AOPEP: variants seen among roughly 807,000 people sequenced by gnomAD.
AOPEP encodes aminopeptidase O.
AOPEP carries 77 observed loss-of-function variants against 98.1 expected under a neutral mutation model. The observed-to-expected ratio is 0.78, with a 90% CI of 0.65 to 0.95. The LOEUF (loss-of-function observed/expected upper bound fraction) is 0.95, where lower values mean the gene tolerates loss of function less well. AOPEP is among the 40% of genes least tolerant of loss of function. AOPEP has a pLI of 0.00. For synonymous variants in AOPEP, 346 were observed against 365.3 expected (o/e 0.95, Z 0.60); for missense variants, 1,024 against 1,024.7 (o/e 1.00, Z 0.01).
At chr9:95,066,209 G>T (rs1433415524) in intron 14 of AOPEP, among the ~76,000 whole-genome samples, 3 of 152,170 alleles carry the variant, frequency 2.0e-5, no homozygotes, top group African/African-American at 7.2e-5. Context: ...AGGACGGTCT[G>T]TCTCTCAGTA....
chr9:95,051,550 C>T (rs1296925119), intron 13 of AOPEP, among the ~76,000 whole-genome samples: 2 of 152,128 alleles, frequency 1.3e-5, no homozygotes, highest in Non-Finnish European at 2.9e-5. Flanking sequence ...ACTCCTCATA[C>T]AGCCCATCTA....
chr9:95,090,197 G>C (rs577675925), downstream of AOPEP, among the ~76,000 whole-genome samples: 6 of 152,398 alleles, frequency 3.9e-5, no homozygotes. Flanking sequence ...TGTCCCCTGA[G>C]TGGTAGGTAC....
chr9:95,015,525 G>A (rs777187978), intron 13 of AOPEP, among the ~76,000 whole-genome samples: 5 of 152,196 alleles, frequency 3.3e-5, no homozygotes, highest in Admixed American at 2.0e-4. Flanking sequence ...AGAATACTGA[G>A]ATGAATAGAA....
intron 5 of AOPEP, among the ~76,000 whole-genome samples, chr9:94,821,208 C>T (rs11791657): frequency 1.6e-3 from 237 of 152,162 alleles, no homozygotes; most frequent in Non-Finnish European, 2.8e-3. Context: ...GGTGCCTTGG[C>T]GTTGAGTGAA....
chr9:94,822,962 G>T (rs4537361), intron 5 of AOPEP, among the ~76,000 whole-genome samples: 117,459 of 151,712 alleles, frequency 0.77, 47,193 homozygotes, highest in Non-Finnish European at 0.89. Flanking sequence ...ATTATCCCTG[G>T]TGCCACAATT....
chr9:94,919,585 C>T (rs752490991), intron 5 of AOPEP, among the ~76,000 whole-genome samples: 3 of 152,044 alleles, frequency 2.0e-5, no homozygotes, highest in Admixed American at 1.3e-4. Flanking sequence ...GCTGAGAGTT[C>T]GGCTTGTAAA....
At chr9:95,099,402 C>T in the AOPEP span, 71 of 228,060 alleles carry the variant, frequency 3.1e-4, no homozygotes, top group Non-Finnish European at 5.8e-4. Context: ...GCCCAGGCCC[C>T]GCCAACGCCG....
chr9:94,954,139 A>C (rs925418122), intron 7 of AOPEP, among the ~76,000 whole-genome samples: 5 of 152,160 alleles, frequency 3.3e-5, no homozygotes, highest in African/African-American at 9.7e-5. Flanking sequence ...CCTGGCCAAC[A>C]TGGCGAAACC....
At chr9:94,986,026 A>T (rs12553869) in intron 11 of AOPEP, among the ~76,000 whole-genome samples, 2,995 of 152,272 alleles carry the variant, frequency 0.02, 62 homozygotes, top group Admixed American at 0.054. Flanking sequence ...TTTGTGCTCA[A>T]ATGAGTTTGC....
chr9:94,750,003 G>T (rs1271789771), intron 1 of AOPEP, among the ~76,000 whole-genome samples: 1 of 152,146 alleles, frequency 6.6e-6, no homozygotes, highest in Non-Finnish European at 1.5e-5. Flanking sequence ...TTGATGCTTT[G>T]TATTAACAGA....
chr9:94,733,963 G>C (rs1206732847), intron 1 of AOPEP, among the ~76,000 whole-genome samples: 1 of 152,226 alleles, frequency 6.6e-6, no homozygotes, highest in Non-Finnish European at 1.5e-5. Flanking sequence ...AGTGTGTAAA[G>C]TCTGGATCTT....
chr9:94,977,321 G>A (rs181726888), intron 10 of AOPEP, among the ~76,000 whole-genome samples: 2 of 152,184 alleles, frequency 1.3e-5, no homozygotes, highest in African/African-American at 2.4e-5. Context: ...CCTGCAACCC[G>A]GAGCAGCCCT....
At chr9:94,946,773 C>A (rs1018646656) in intron 7 of AOPEP, among the ~76,000 whole-genome samples, 1 of 152,054 alleles carries the variant, frequency 6.6e-6, no homozygotes, top group Non-Finnish European at 1.5e-5. Flanking sequence ...TGGGCTTGGT[C>A]CTTGGTTGTT....
intron 1 of AOPEP, among the ~76,000 whole-genome samples, chr9:94,751,760 A>G (rs1450650664): frequency 6.6e-6 from 1 of 150,696 alleles, no homozygotes; most frequent in Non-Finnish European, 1.5e-5. Flanking sequence ...TTTTTTTTTA[A>G]CTGAAATTTT....
chr9:95,092,439 G>C, the AOPEP span, among the ~76,000 whole-genome samples: 9 of 152,262 alleles, frequency 5.9e-5, no homozygotes, highest in East Asian at 1.6e-3. Context: ...TCTCCCACAG[G>C]CTCCCCACCT....
At chr9:94,777,939 T>C (rs888678268) in intron 3 of AOPEP, among the ~76,000 whole-genome samples, 1 of 151,974 alleles carries the variant, frequency 6.6e-6, no homozygotes, top group Non-Finnish European at 1.5e-5. Context: ...AGTATTCTTA[T>C]AACCTAATAA....
chr9:94,912,654 G>A (rs1233492658), intron 5 of AOPEP, among the ~76,000 whole-genome samples: 2 of 152,228 alleles, frequency 1.3e-5, no homozygotes, highest in Non-Finnish European at 2.9e-5. Flanking sequence ...TTAACAGCTA[G>A]CAGAGACTAA....
At position 94,946,944 on chromosome 9, in the gene AOPEP, G is replaced by GAT. The variant is rs141619515; in HGVS notation, c.1662-8221_1662-8220dup. 1.2e-3 allele frequency among the ~76,000 whole-genome samples: 186 copies of GAT among 150,754 alleles called. 2 individuals are homozygous for GAT. The highest frequency in any genetic ancestry group is 7.0e-3 in the East Asian group (36 of 5,126). On this transcript the variant is annotated intron_variant, in intron 7 of 16. Coordinates refer to ENST00000375315, the MANE Select transcript of AOPEP (RefSeq NM_001193329.3). ...GTGTTCATCCAGTGGGATTCACTCA[G>GAT]ATATATATATATACCATGTTTCTTT...
chr9:94,821,888 T>A (rs1409184942), intron 5 of AOPEP, among the ~76,000 whole-genome samples: 2 of 152,194 alleles, frequency 1.3e-5, no homozygotes, highest in Non-Finnish European at 2.9e-5. Context: ...ATGGCAAGTT[T>A]TTTTTTGTAT....
Sources: allele counts gnomAD v4.1 joint callset (sites outside exome capture counted in the v4.1 genomes callset), GRCh38; gene constraint gnomAD v4.1.1; transcripts MANE v1.5; gene names NCBI Gene and HGNC (gene_info 2026-07-23, HGNC 2026-07-21).